Variants in CDK19 observed in about 807,000 individuals in gnomAD.
The protein encoded by CDK19 is cyclin dependent kinase 19, also known as cyclin-dependent kinase 19.
CDK19 carries 20 observed loss-of-function variants against 68.3 expected under a neutral mutation model. That is an observed-to-expected ratio of 0.29 (90% CI 0.21 to 0.43). The LOEUF is 0.43. CDK19 is among the 20% of genes least tolerant of loss of function. The pLI, the probability that CDK19 is intolerant of heterozygous loss-of-function variation, is 1.00. For missense variants in CDK19, 339 were observed against 623.5 expected (o/e 0.54, Z 4.86); for synonymous variants, 221 against 222.8 (o/e 0.99, Z 0.07).
intron 4 of CDK19, among the ~76,000 whole-genome samples, chr6:110,641,592 CAAAAAAA>C (rs773781094): frequency 1.7e-3 from 54 of 31,326 alleles, no homozygotes; most frequent in South Asian, 1.7e-3. Context: ...GAGACTCCAT[CAAAAAAA>C]AAAAAAAAAA....
chr6:110,667,895 A>G (rs1473078233), intron 3 of CDK19, among the ~76,000 whole-genome samples: 1 of 152,186 alleles, frequency 6.6e-6, no homozygotes, highest in Non-Finnish European at 1.5e-5. Flanking sequence ...TGACAGAATG[A>G]AAGATTTAAA....
At chr6:110,663,960 G>A (rs1289931749) in intron 4 of CDK19, among the ~76,000 whole-genome samples, 2 of 152,146 alleles carry the variant, frequency 1.3e-5, no homozygotes, top group Admixed American at 6.5e-5. Flanking sequence ...TTTCAACATT[G>A]TGTTCATGCC....
chr6:110,738,732 T>C (rs1777436552), intron 2 of CDK19, among the ~76,000 whole-genome samples: 1 of 152,166 alleles, frequency 6.6e-6, no homozygotes, highest in Non-Finnish European at 1.5e-5. Flanking sequence ...CAAACATACA[T>C]TCTATCAATT....
intron 12 of CDK19, among the ~76,000 whole-genome samples, chr6:110,617,463 C>T (rs1036355297): frequency 1.5e-4 from 23 of 151,792 alleles, no homozygotes; most frequent in Non-Finnish European, 2.9e-4. Context: ...TGGCTGTCTA[C>T]ACTTTGTTGA....
chr6:110,781,847 A>G (rs1024369501), intron 1 of CDK19, among the ~76,000 whole-genome samples: 1 of 152,004 alleles, frequency 6.6e-6, no homozygotes, highest in Non-Finnish European at 1.5e-5. Context: ...AATGAAAAAA[A>G]AAAAAAAAAC....
At chr6:110,705,563 T>C (rs1448486414) in intron 2 of CDK19, among the ~76,000 whole-genome samples, 3 of 152,136 alleles carry the variant, frequency 2.0e-5, no homozygotes, top group Non-Finnish European at 2.9e-5. Context: ...AAAAACATTA[T>C]AAGCGTCTGA....
In CDK19 at chr6:110,766,366, G is replaced by A. The variant is rs545054064; in HGVS notation, c.129-20165C>T. ...AAGGCAGACGGATCACTTGACATCA[G>A]GGGTGCAGGACCACCCTGGCCAATG... On this transcript the variant is annotated intron_variant, in intron 1 of 12. Transcript: ENST00000368911. Among the ~76,000 whole-genome samples the A allele has an allele frequency of 4.3e-4, 65 of 152,166 alleles. 1 individual carries two copies. In the South Asian group the frequency reaches 6.0e-3, roughly 14 times the overall value.
intron 1 of CDK19, 88 bp downstream of exon 1, chr6:110,814,921 C>A: frequency 6.4e-7 from 1 of 1,567,634 alleles, no homozygotes; most frequent in Non-Finnish European, 8.7e-7. Flanking sequence ...TCGGGCACGG[C>A]CCGACTGGGA....
At chr6:110,694,101 A>G (rs541944739) in intron 2 of CDK19, among the ~76,000 whole-genome samples, 1 of 151,398 alleles carries the variant, frequency 6.6e-6, no homozygotes, top group East Asian at 1.9e-4. Context: ...CAAGGTGTTC[A>G]GGCAACAACT....
intron 2 of CDK19, among the ~76,000 whole-genome samples, chr6:110,734,520 GCTCTCT>G (rs34004722): frequency 0.018 from 1,583 of 85,746 alleles, 50 homozygotes; most frequent in African/African-American, 0.053. Context: ...GGTGAGCACT[GCTCTCT>G]CTCTCTCTCT....
intron 12 of CDK19, among the ~76,000 whole-genome samples, chr6:110,617,662 T>TATATATACACACACACAC (rs755618032): frequency 5.6e-5 from 6 of 107,158 alleles, no homozygotes; most frequent in African/African-American, 2.3e-4. Context: ...TATATATATA[T>TATATATACACACACACAC]ACACACACAC....
chr6:110,701,595 C>T (rs556490323), intron 2 of CDK19, among the ~76,000 whole-genome samples: 24 of 151,336 alleles, frequency 1.6e-4, no homozygotes, highest in African/African-American at 4.8e-4. Context: ...GAGTCCAATG[C>T]GCAGAGAATA....
At chr6:110,651,686 CTATCAAGAT>C (rs1225948208) in intron 4 of CDK19, among the ~76,000 whole-genome samples, 1 of 152,136 alleles carries the variant, frequency 6.6e-6, no homozygotes, top group African/African-American at 2.4e-5. Flanking sequence ...TCTGGTTTTG[CTATCAAGAT>C]TATACTGGCT....
chr6:110,772,368 G>A (rs1168356746), intron 1 of CDK19, among the ~76,000 whole-genome samples: 1 of 151,838 alleles, frequency 6.6e-6, no homozygotes, highest in Non-Finnish European at 1.5e-5. Context: ...GCAGTAGGGG[G>A]GAAACCGCCC....
intron 1 of CDK19, 176 bp downstream of exon 1, chr6:110,814,833 G>A (rs1220990252): frequency 1.2e-6 from 1 of 818,324 alleles, no homozygotes; most frequent in South Asian, 1.5e-5. Flanking sequence ...ACGGGGCCGC[G>A]CGGGGGAGGC....
At chr6:110,765,858 C>T (rs991058886) in intron 1 of CDK19, among the ~76,000 whole-genome samples, 1 of 152,052 alleles carries the variant, frequency 6.6e-6, no homozygotes, top group African/African-American at 2.4e-5. Flanking sequence ...AAATGTTCAA[C>T]ATCACTCATT....
chr6:110,785,660 G>A (rs1212123660), intron 1 of CDK19, among the ~76,000 whole-genome samples: 2 of 152,056 alleles, frequency 1.3e-5, no homozygotes, highest in African/African-American at 4.8e-5. Context: ...GACAGAAGAG[G>A]CAGGCACACT....
At chr6:110,735,143 TG>T (rs1281860646) in intron 2 of CDK19, among the ~76,000 whole-genome samples, 12 of 152,016 alleles carry the variant, frequency 7.9e-5, no homozygotes, top group Non-Finnish European at 1.3e-4. Flanking sequence ...GACTGGGTCT[TG>T]CTATTTTGCC....
At chr6:110,775,196 G>A (rs1300513853) in intron 1 of CDK19, among the ~76,000 whole-genome samples, 1 of 152,104 alleles carries the variant, frequency 6.6e-6, no homozygotes, top group Non-Finnish European at 1.5e-5. Flanking sequence ...AGTGAGCCAA[G>A]ATCACACCAC....
Sources: allele counts gnomAD v4.1 joint callset (sites outside exome capture counted in the v4.1 genomes callset), GRCh38; gene constraint gnomAD v4.1.1; transcripts MANE v1.5; gene names NCBI Gene and HGNC (gene_info 2026-07-23, HGNC 2026-07-21).